DNAAF9: variants seen among roughly 807,000 people sequenced by gnomAD.
The protein encoded by DNAAF9 is dynein axonemal assembly factor 9.
A neutral mutation model predicts 167.0 loss-of-function variants in DNAAF9; 90 were observed. That is an observed-to-expected ratio of 0.54 (90% confidence interval 0.45 to 0.64). The LOEUF is 0.64. Ranked by LOEUF, DNAAF9 falls within the 30% of genes least tolerant of loss-of-function variation. The pLI, the probability that DNAAF9 is intolerant of heterozygous loss-of-function variation, is 0.00. For synonymous variants in DNAAF9, 491 were observed against 508.8 expected (o/e 0.96, Z 0.47); for missense variants, 1,315 against 1,442.2 (o/e 0.91, Z 1.43).
At chr20:3,390,270 G>T (rs1377582001) in intron 1 of DNAAF9, among the ~76,000 whole-genome samples, 2 of 149,116 alleles carry the variant, frequency 1.3e-5, no homozygotes, top group Non-Finnish European at 2.9e-5. Context: ...AAAGAAGACA[G>T]ATTGAGAAGA....
chr20:3,352,379 T>C (rs1296749104), intron 7 of DNAAF9, among the ~76,000 whole-genome samples: 1 of 152,184 alleles, frequency 6.6e-6, no homozygotes, highest in Non-Finnish European at 1.5e-5. Context: ...CTTTCCACTT[T>C]GGCACTGGGT....
At chr20:3,316,282 G>C (rs1279589437) in intron 18 of DNAAF9, among the ~76,000 whole-genome samples, 1 of 152,074 alleles carries the variant, frequency 6.6e-6, no homozygotes, top group African/African-American at 2.4e-5. Flanking sequence ...TTCAGACCAA[G>C]TCCCTCCCAC....
chr20:3,309,684 T>C (rs2069366506), intron 20 of DNAAF9, among the ~76,000 whole-genome samples: 2 of 152,180 alleles, frequency 1.3e-5, no homozygotes, highest in African/African-American at 4.8e-5. Context: ...CCAGGTGGAT[T>C]CTTTGAAAAA....
chr20:3,338,354 C>T (rs1194693056), intron 10 of DNAAF9, among the ~76,000 whole-genome samples: 1 of 151,990 alleles, frequency 6.6e-6, no homozygotes, highest in East Asian at 1.9e-4. Flanking sequence ...ATCCTTGTTC[C>T]TCTATAGGTA....
chr20:3,276,370 G>A (rs967154629), intron 29 of DNAAF9, among the ~76,000 whole-genome samples: 1 of 152,108 alleles, frequency 6.6e-6, no homozygotes, highest in Non-Finnish European at 1.5e-5. Context: ...GAGGAGTTCC[G>A]AAAACAGCAT....
At chr20:3,283,425 G>A (rs771222030) in intron 27 of DNAAF9, among the ~76,000 whole-genome samples, 1 of 152,246 alleles carries the variant, frequency 6.6e-6, no homozygotes, top group Non-Finnish European at 1.5e-5. Context: ...AGAGAACGGG[G>A]TTTACTAGGT....
chr20:3,368,900 A>AG (rs73616152), intron 6 of DNAAF9, among the ~76,000 whole-genome samples: 152,145 of 152,150 alleles, frequency 1, 76,070 homozygotes, highest in Middle Eastern at 1. Context: ...TCAGAAGCCG[A>AG]GAAGGCAGAT....
chr20:3,291,352 T>TG (rs1407462305), intron 25 of DNAAF9, among the ~76,000 whole-genome samples: 1 of 150,672 alleles, frequency 6.6e-6, no homozygotes, highest in Non-Finnish European at 1.5e-5. Context: ...TTTGTTTTTT[T>TG]TTTTTTTTTT....
chr20:3,341,970 G>C (rs2070095955), intron 9 of DNAAF9, among the ~76,000 whole-genome samples: 2 of 152,038 alleles, frequency 1.3e-5, no homozygotes, highest in African/African-American at 4.8e-5. Flanking sequence ...GTGGAGATGG[G>C]GTTTCACCGT....
chr20:3,393,134 C>T (rs2083848632), intron 1 of DNAAF9, among the ~76,000 whole-genome samples: 1 of 152,110 alleles, frequency 6.6e-6, no homozygotes, highest in East Asian at 1.9e-4. Flanking sequence ...GGTGCAGTGG[C>T]TCATACCTGA....
chr20:3,336,251 C>T (rs1244952999), intron 10 of DNAAF9, among the ~76,000 whole-genome samples: 4 of 68,084 alleles, frequency 5.9e-5, no homozygotes, highest in African/African-American at 1.6e-4. Flanking sequence ...CACAGTTTTG[C>T]GTTTTTGTTT....
chr20:3,311,324 A>G (rs2069410515), intron 20 of DNAAF9, among the ~76,000 whole-genome samples: 1 of 151,414 alleles, frequency 6.6e-6, no homozygotes, highest in South Asian at 2.1e-4. Context: ...TTTTTTGGGT[A>G]GAGATGGGGT....
intron 20 of DNAAF9, among the ~76,000 whole-genome samples, chr20:3,307,909 T>C (rs2069329260): frequency 6.8e-6 from 1 of 147,370 alleles, no homozygotes; most frequent in African/African-American, 2.5e-5. Flanking sequence ...TATGATGCAA[T>C]GGCTAGATGA....
intron 1 of DNAAF9, among the ~76,000 whole-genome samples, chr20:3,389,924 T>C (rs899401555): frequency 6.6e-6 from 1 of 151,046 alleles, no homozygotes; most frequent in Non-Finnish European, 1.5e-5. Flanking sequence ...TAATCCCAGC[T>C]ACCCAGGAGG....
At chr20:3,354,774 C>G (rs2083262361) in intron 7 of DNAAF9, among the ~76,000 whole-genome samples, 1 of 152,214 alleles carries the variant, frequency 6.6e-6, no homozygotes, top group Admixed American at 6.5e-5. Flanking sequence ...ATCTGGCTCT[C>G]AGCCTTTACT....
intron 6 of DNAAF9, among the ~76,000 whole-genome samples, chr20:3,365,494 C>A (rs1048326260): frequency 5.3e-5 from 8 of 152,046 alleles, no homozygotes; most frequent in Admixed American, 5.2e-4. Flanking sequence ...CGGGTTCAAG[C>A]GATTCTCTTG....
chr20:3,284,859 TTG>T (rs58044740), intron 27 of DNAAF9, among the ~76,000 whole-genome samples: 2 of 152,090 alleles, frequency 1.3e-5, no homozygotes, highest in East Asian at 3.9e-4. Context: ...TTACTTATAT[TTG>T]TGTGTGTGTA....
At chr20:3,307,967 TAA>T (rs367851853) in intron 20 of DNAAF9, among the ~76,000 whole-genome samples, 12 of 123,430 alleles carry the variant, frequency 9.7e-5, no homozygotes, top group South Asian at 2.7e-4. Flanking sequence ...ACACAAGGTT[TAA>T]AAAAAAAAAA....
Position 3,343,799 on chromosome 20 carries a change from ATATG to A in DNAAF9, c.790-72_790-69del, listed in dbSNP as rs2070133731. 34 of 1,146,026 alleles carry A rather than the reference ATATG, an allele frequency of 3.0e-5. No homozygotes were observed. The South Asian group carries it at 4.0e-4, about 13-fold the overall frequency. The allele number at this position is 1,146,026 out of a possible 1,614,324, so 71.0% of individuals were successfully genotyped here. On this transcript the variant is annotated intron_variant, in intron 8 of 36. Transcript: ENST00000252032. The stretch of plus-strand genomic sequence containing the variant: ...GTAAAACAGTCATAAAACCCCTCAC[ATATG>A]TATGTATGTACACACATGCTTCAGG...
Sources: allele counts gnomAD v4.1 joint callset (sites outside exome capture counted in the v4.1 genomes callset), GRCh38; gene constraint gnomAD v4.1.1; transcripts MANE v1.5; gene names NCBI Gene and HGNC (gene_info 2026-07-23, HGNC 2026-07-21).